Variants in SPEF2 observed in about 807,000 individuals in gnomAD.
SPEF2 encodes sperm flagellar and cilia associated 2.
A neutral mutation model predicts 224.6 loss-of-function variants in SPEF2; 187 were observed. The ratio of observed to expected loss-of-function variants is 0.83; its 90% CI spans 0.74 to 0.94. The LOEUF is 0.94. SPEF2 is among the 40% of genes least tolerant of loss of function. The pLI is 0.00. For missense variants in SPEF2, 2,170 were observed against 2,135.6 expected, an observed-to-expected ratio of 1.02 and a Z score of -0.32; for synonymous variants, 715 against 707.3, an observed-to-expected ratio of 1.01 and a Z score of -0.17.
At chr5:35,776,571 T>A (rs1753636575) in intron 29 of SPEF2, among the ~76,000 whole-genome samples, 176 bp downstream of exon 29, 1 of 152,228 alleles carries the variant, frequency 6.6e-6, no homozygotes, top group Admixed American at 6.5e-5. Flanking sequence ...TTGTATTAAC[T>A]CTTTTCTAAC....
intron 29 of SPEF2, among the ~76,000 whole-genome samples, chr5:35,776,713 T>C (rs73747969): frequency 0.036 from 5,550 of 152,262 alleles, 298 homozygotes; most frequent in South Asian, 0.12. Flanking sequence ...AAATAGTTTT[T>C]AGAAGTAAAA....
intron 27 of SPEF2, among the ~76,000 whole-genome samples, chr5:35,772,683 G>A (rs946117519): frequency 6.6e-6 from 1 of 152,076 alleles, no homozygotes; most frequent in Non-Finnish European, 1.5e-5. Flanking sequence ...AATAAAGAAC[G>A]CACCACTTTA....
At chr5:35,731,680 G>A (rs1247956836) in intron 21 of SPEF2, among the ~76,000 whole-genome samples, 1 of 152,214 alleles carries the variant, frequency 6.6e-6, no homozygotes, top group African/African-American at 2.4e-5. Context: ...CTCCTCTCAG[G>A]AACTTGGATG....
intron 24 of SPEF2, among the ~76,000 whole-genome samples, chr5:35,759,056 T>C (rs1045232815): frequency 5.5e-5 from 8 of 145,110 alleles, no homozygotes; most frequent in Admixed American, 3.4e-4. Flanking sequence ...AAAAAAACTT[T>C]ATGTTGCCCT....
At chr5:35,796,026 T>A (rs534242200) in intron 33 of SPEF2, among the ~76,000 whole-genome samples, 1 of 152,336 alleles carries the variant, frequency 6.6e-6, no homozygotes, top group African/African-American at 2.4e-5. Flanking sequence ...CTCTATGTGA[T>A]CCTGGAAAAT....
At chr5:35,644,215 A>C in intron 3 of SPEF2, 140 bp from the exon 4 acceptor site, 1 of 643,484 alleles carries the variant, frequency 1.6e-6, no homozygotes, top group South Asian at 3.5e-5. Context: ...GAGTAATTGG[A>C]ATGGGGTTTG....
intron 18 of SPEF2, among the ~76,000 whole-genome samples, chr5:35,708,580 A>ATCACCATAACTATCACCACCACCC (rs1740323216): frequency 7.5e-6 from 1 of 133,248 alleles, no homozygotes; most frequent in African/African-American, 2.8e-5. Flanking sequence ...CACCACCACC[A>ATCACCATAACTATCACCACCACCC]TCACTACCAC....
At position 35,700,741 on chromosome 5, in the gene SPEF2, A is replaced by C. The variant is rs747245975; in HGVS notation, c.2387A>C (p.Asn796Thr). ...VSDTSSMSRMNDIIAEELSYK... is the reference protein window; with the variant it reads ...VSDTSSMSRMTDIIAEELSYK... ...GATACTTCCTCAATGAGTCGCATGA[A>C]TGATATTATAGGTAAGCTGGACACC... The change falls in exon 16 of 37, where the codon AAT becomes ACT. Residue 796 changes from asparagine (N) to threonine (T), a missense_variant. Physicochemically the swap from Asn to Thr is moderately conservative, Grantham distance 65 (BLOSUM62 0). Coordinates refer to ENST00000356031, the MANE Select transcript of SPEF2 (RefSeq NM_024867.4). 2 of 1,613,878 alleles carry C rather than the reference A, an allele frequency of 1.2e-6. No individual in the cohort carries two copies. The highest frequency in any genetic ancestry group is 8.5e-7 in the Non-Finnish European group (1 of 1,179,852).
chr5:35,622,448 T>C (rs1743665685), intron 1 of SPEF2, among the ~76,000 whole-genome samples: 1 of 152,224 alleles, frequency 6.6e-6, no homozygotes, highest in East Asian at 1.9e-4. Context: ...ATCGTATAAC[T>C]TTAGATCTGA....
At chr5:35,780,535 T>A (rs1580709273) in intron 30 of SPEF2, among the ~76,000 whole-genome samples, 1 of 152,114 alleles carries the variant, frequency 6.6e-6, no homozygotes, top group African/African-American at 2.4e-5. Context: ...CATCAGCAGG[T>A]ACAAAAAATC....
intron 20 of SPEF2, among the ~76,000 whole-genome samples, chr5:35,727,121 A>G (rs190007426): frequency 2.0e-5 from 3 of 152,204 alleles, no homozygotes; most frequent in Admixed American, 2.0e-4. Flanking sequence ...AGCAAGAAAT[A>G]TAATTTCCCC....
At chr5:35,781,334 T>C (rs1367706999) in intron 30 of SPEF2, 2 of 152,026 alleles carry the variant, frequency 1.3e-5, no homozygotes, top group African/African-American at 4.8e-5. Flanking sequence ...TGCCCTGAAA[T>C]TGGTCAGGGA....
Position 35,789,439 on chromosome 5 carries a change from C to G in SPEF2, c.4448-2901C>G, listed in dbSNP as rs1755645083. 1.5e-5 allele frequency: 10 copies of G among 683,246 alleles called. No homozygotes were observed. The Admixed American group carries it at 1.9e-4, about 13-fold the overall frequency. The allele number at this position is 683,246 out of a possible 1,614,324, so 42.3% of individuals were successfully genotyped here. ...CAGTTTGACTTGCGAAATTATCTGC[C>G]AGATGTTTCTTCATTTAATTTGTTA... On this transcript the variant is annotated intron_variant, in intron 30 of 36. Transcript: ENST00000356031.
At chr5:35,691,315 G>A in intron 11 of SPEF2, 59 bp downstream of exon 11, 1 of 1,323,290 alleles carries the variant, frequency 7.6e-7, no homozygotes, top group African/African-American at 1.5e-5. Context: ...GACTGTAGCT[G>A]CAAATGTCTA....
intron 34 of SPEF2, among the ~76,000 whole-genome samples, chr5:35,802,997 T>C (rs2149861625): frequency 6.6e-6 from 1 of 152,324 alleles, no homozygotes; most frequent in East Asian, 1.9e-4. Flanking sequence ...CTATTTCTAC[T>C]GCTAAATGGT....
chr5:35,778,979 G>A (rs1753963924), intron 29 of SPEF2, 138 bp from the exon 30 acceptor site: 2 of 532,938 alleles, frequency 3.8e-6, no homozygotes, highest in South Asian at 4.1e-5. Context: ...GGGACAAATT[G>A]AAATTTATAA....
At chr5:35,741,332 T>C (rs1454510490) in intron 23 of SPEF2, among the ~76,000 whole-genome samples, 4 of 152,176 alleles carry the variant, frequency 2.6e-5, no homozygotes, top group African/African-American at 9.7e-5. Flanking sequence ...ACAGAAGTGA[T>C]TGGGTAAGCC....
In SPEF2 at chr5:35,696,823, C is replaced by T. The variant is rs191057106; in HGVS notation, c.2038-867C>T. ...GGCACAGTTGGTCACCTTATGACATCGGGCAGGCCTCCTTGGGAAAGGGAG... is the reference window on the plus strand; with the variant it reads ...GGCACAGTTGGTCACCTTATGACATTGGGCAGGCCTCCTTGGGAAAGGGAG... On this transcript the variant is annotated intron_variant, in intron 14 of 36. Coordinates refer to ENST00000356031, the MANE Select transcript of SPEF2 (RefSeq NM_024867.4). 3.3e-5 allele frequency among the ~76,000 whole-genome samples: 5 copies of T among 152,218 alleles called. No individual in the cohort carries two copies. In the East Asian group the frequency reaches 5.8e-4, roughly 18 times the overall value.
intron 1 of SPEF2, among the ~76,000 whole-genome samples, chr5:35,624,917 G>A (rs531798871): frequency 4.6e-5 from 7 of 152,338 alleles, no homozygotes; most frequent in African/African-American, 1.7e-4. Context: ...TTACAGGCGT[G>A]AGCCACGGCA....
Sources: gnomAD v4.1 joint callset for allele counts (sites outside exome capture counted in the v4.1 genomes callset) on GRCh38, gnomAD v4.1.1 for gene constraint, MANE v1.5 for transcripts, NCBI Gene and HGNC (gene_info 2026-07-23, HGNC 2026-07-21) for gene names.